The following ANKRD26 variants were observed in gnomAD, a reference collection of about 807,000 sequenced individuals.
ANKRD26 encodes the protein ankyrin repeat domain 26.
A neutral mutation model predicts 208.7 loss-of-function variants in ANKRD26; 141 were observed. The ratio of observed to expected loss-of-function variants is 0.68; its 90% CI spans 0.59 to 0.78. The LOEUF is 0.78. ANKRD26 is among the 30% of genes least tolerant of loss of function. The pLI, the probability that ANKRD26 is intolerant of heterozygous loss-of-function variation, is 0.00. For synonymous variants in ANKRD26, 636 were observed against 660.4 expected, an observed-to-expected ratio of 0.96 and a Z score of 0.57; for missense variants, 1,889 against 1,938.7, an observed-to-expected ratio of 0.97 and a Z score of 0.48.
At chr10:27,048,323 A>C (rs143991106) in intron 17 of ANKRD26, among the ~76,000 whole-genome samples, 1 of 152,334 alleles carries the variant, frequency 6.6e-6, no homozygotes, top group African/African-American at 2.4e-5. Context: ...CTTAAAATAC[A>C]TACATTATTT....
At chr10:27,007,057 C>T in intron 32 of ANKRD26, 95 bp from the exon 33 acceptor site, 1 of 798,892 alleles carries the variant, frequency 1.3e-6, no homozygotes, top group South Asian at 1.5e-5. Context: ...GCCTGTAATA[C>T]TCTTAAAGAC....
intron 9 of ANKRD26, among the ~76,000 whole-genome samples, chr10:27,070,731 T>C (rs1383797441): frequency 1.3e-5 from 2 of 151,756 alleles, no homozygotes; most frequent in Non-Finnish European, 2.9e-5. Flanking sequence ...AATGGCACGA[T>C]CTTGGCTCAC....
In ANKRD26 at chr10:27,040,074, T is replaced by C; in HGVS notation, c.2266A>G (p.Met756Val). Residue 756 changes from methionine to valine, a missense_variant, in exon 21 of 34, where the codon ATG (methionine) becomes GTG (valine). Transcript: ENST00000376087. ...TGTAGTACATTAACCTTGTCTTCCA[T>C]TTTTTTAATTTTTACTGTAAGTAGT... ...CELLTVKIKK[M>V]EDKVNVLQRE... The C allele has an allele frequency of 1.9e-6, 3 of 1,612,816 alleles. No homozygotes were observed. The highest frequency in any genetic ancestry group is 4.5e-5 in the East Asian group (2 of 44,794).
intron 16 of ANKRD26, chr10:27,052,151 T>C (rs1251431265): frequency 5.1e-6 from 5 of 981,624 alleles, no homozygotes; most frequent in Admixed American, 6.2e-5. Context: ...TATCCTTGAG[T>C]AATCAAGTAC....
intron 5 of ANKRD26, 100 bp downstream of exon 5, chr10:27,086,439 C>A (rs10443967): frequency 7.4e-6 from 11 of 1,488,054 alleles, no homozygotes; most frequent in Admixed American, 1.9e-5. Flanking sequence ...ACCTTATACA[C>A]TGATTTTTAA....
At chr10:27,070,474 C>G (rs1353930695) in intron 9 of ANKRD26, among the ~76,000 whole-genome samples, 1 of 152,138 alleles carries the variant, frequency 6.6e-6, no homozygotes, top group African/African-American at 2.4e-5. Flanking sequence ...CTATGATTAT[C>G]AAGCAAGACC....
intron 15 of ANKRD26, among the ~76,000 whole-genome samples, chr10:27,058,194 A>C (rs2054908844): frequency 6.6e-6 from 1 of 152,240 alleles, no homozygotes; most frequent in South Asian, 2.1e-4. Context: ...TCATCAAGGG[A>C]CCATTTATTA....
At chr10:27,066,171 A>G (rs2055238844) in intron 11 of ANKRD26, 1 of 177,362 alleles carries the variant, frequency 5.6e-6, no homozygotes, top group African/African-American at 2.4e-5. Context: ...GACCTGAAAT[A>G]ATTCTTTAGT....
chr10:27,013,002 A>T lies in ANKRD26; in HGVS notation c.4833T>A (p.Cys1611Ter). Reference protein sequence around the residue: ...LTTRPVMEPPCVGNLNNSLDL... With the variant: ...LTTRPVMEPP ...CTAAACTATTATTAAGATTTCCCAC[A>T]CAAGGTGGCTCCATGACTGGCCTGG... The change falls in exon 32 of 34, where the codon TGT (cysteine) becomes TGA (stop). Residue 1611 changes from cysteine to a stop codon, truncating the protein, a stop_gained. Coordinates refer to ENST00000376087, the MANE Select transcript of ANKRD26 (RefSeq NM_014915.3). LOFTEE classifies it high-confidence loss of function. 7 of 1,614,074 alleles carry T rather than the reference A, an allele frequency of 4.3e-6. No individual in the cohort carries two copies. Among genetic ancestry groups the T allele is most frequent in the Non-Finnish European group, 5.9e-6 (7 of 1,179,970 alleles).
At chr10:26,951,013 C>CTTT in the ANKRD26 span, among the ~76,000 whole-genome samples, 38 of 100,918 alleles carry the variant, frequency 3.8e-4, 1 homozygote, top group African/African-American at 2.0e-3. Flanking sequence ...CTTTTCTTTT[C>CTTT]TTTTTCTTTT....
intron 3 of ANKRD26, among the ~76,000 whole-genome samples, chr10:26,985,467 T>A (rs2052370780): frequency 6.6e-6 from 1 of 152,170 alleles, no homozygotes; most frequent in South Asian, 2.1e-4. Flanking sequence ...CCAAGTAGAT[T>A]TCCCTCTCAT....
At chr10:27,026,046 A>T (rs11015458) in intron 27 of ANKRD26, among the ~76,000 whole-genome samples, 1 of 152,044 alleles carries the variant, frequency 6.6e-6, no homozygotes, top group African/African-American at 2.4e-5. Context: ...TTTTTCTTTC[A>T]TAATGCAAAA....
At chr10:27,046,757 T>C (rs1262904377) in intron 17 of ANKRD26, among the ~76,000 whole-genome samples, 1 of 152,060 alleles carries the variant, frequency 6.6e-6, no homozygotes, top group Non-Finnish European at 1.5e-5. Context: ...AGAGAAAATG[T>C]ATATTCCCTG....
chr10:27,028,285 T>C (rs995216836), intron 27 of ANKRD26, among the ~76,000 whole-genome samples: 1 of 152,108 alleles, frequency 6.6e-6, no homozygotes, highest in South Asian at 2.1e-4. Context: ...GTTTCATGCA[T>C]AAAATTATTT....
At position 27,057,107 on chromosome 10, in the gene ANKRD26, A is replaced by G. The variant is rs1275698124; in HGVS notation, c.1564+3238T>C. On this transcript the variant is annotated intron_variant, in intron 15 of 33. Coordinates refer to ENST00000376087, the MANE Select transcript of ANKRD26 (RefSeq NM_014915.3). ...TGAGGGTCAAACTAGTAGAGTCCCAATCTGAAAACTCTGAAAATAAAGTTT... is the reference window on the plus strand; with the variant it reads ...TGAGGGTCAAACTAGTAGAGTCCCAGTCTGAAAACTCTGAAAATAAAGTTT... Among the ~76,000 whole-genome samples the G allele has an allele frequency of 7.9e-5, 12 of 152,348 alleles. No individual in the cohort carries two copies. In the East Asian group the frequency reaches 2.1e-3, roughly 27 times the overall value.
chr10:27,030,533 C>T (rs34795543), intron 25 of ANKRD26: 84,029 of 985,160 alleles, frequency 0.085, 3,992 homozygotes, highest in East Asian at 0.29. Context: ...TTATGTCGTA[C>T]GGTGTAGGAG....
At chr10:27,086,231 T>C (rs1313569277) in intron 5 of ANKRD26, among the ~76,000 whole-genome samples, 2 of 151,826 alleles carry the variant, frequency 1.3e-5, no homozygotes, top group South Asian at 2.1e-4. Flanking sequence ...AATGTAATTA[T>C]AAAGGAAACA....
At chr10:27,096,590 C>A (rs7923079) in intron 1 of ANKRD26, among the ~76,000 whole-genome samples, 15,501 of 151,130 alleles carry the variant, frequency 0.1, 2,597 homozygotes, top group African/African-American at 0.35. Context: ...GTGGTGAAAC[C>A]CCGTCTCTAC....
the ANKRD26 span, among the ~76,000 whole-genome samples, chr10:26,948,472 G>A: frequency 6.6e-6 from 1 of 152,104 alleles, no homozygotes; most frequent in Non-Finnish European, 1.5e-5. Flanking sequence ...ACACAACATA[G>A]AATAATCTGT....
Sources: allele counts gnomAD v4.1 joint callset (sites outside exome capture counted in the v4.1 genomes callset), GRCh38; gene constraint gnomAD v4.1.1; transcripts MANE v1.5; gene names NCBI Gene and HGNC (gene_info 2026-07-23, HGNC 2026-07-21).